The following PFKFB3 variants were observed in gnomAD, a reference collection of about 807,000 sequenced individuals.
PFKFB3 encodes 6-phosphofructo-2-kinase/fructose-2,6-biphosphatase 3.
PFKFB3 carries 33 observed loss-of-function variants against 68.0 expected under a neutral mutation model. The ratio of observed to expected loss-of-function variants is 0.49; its 90% CI spans 0.37 to 0.65. The LOEUF is 0.65. Ranked by LOEUF, PFKFB3 falls within the 30% of genes least tolerant of loss-of-function variation. PFKFB3 has a pLI of 0.00. For missense variants in PFKFB3, 586 were observed against 712.2 expected, an observed-to-expected ratio of 0.82 and a Z score of 2.02; for synonymous variants, 315 against 288.2, an observed-to-expected ratio of 1.09 and a Z score of -0.94.
At chr10:6,174,902 A>C (rs1259258733) in intron 1 of PFKFB3, among the ~76,000 whole-genome samples, 12 of 147,848 alleles carry the variant, frequency 8.1e-5, no homozygotes, top group Non-Finnish European at 1.5e-5. Context: ...TGCAACCTCC[A>C]CCTCCCAGGT....
At chr10:6,147,480 G>A (rs1588372937) in intron 1 of PFKFB3, among the ~76,000 whole-genome samples, 1 of 152,266 alleles carries the variant, frequency 6.6e-6, no homozygotes, top group South Asian at 2.1e-4. Context: ...GGGGCCCAGC[G>A]GGTACCAGGC....
chr10:6,316,042 C>T, the PFKFB3 span, among the ~76,000 whole-genome samples: 1 of 152,172 alleles, frequency 6.6e-6, no homozygotes, highest in Admixed American at 6.5e-5. Flanking sequence ...GGCATAATAG[C>T]ATGGCTTATA....
At chr10:6,209,962 C>T (rs878973172) in intron 1 of PFKFB3, among the ~76,000 whole-genome samples, 5 of 151,616 alleles carry the variant, frequency 3.3e-5, no homozygotes, top group African/African-American at 9.7e-5. Flanking sequence ...GATGGGGTTT[C>T]GCTGTGGTCT....
chr10:6,301,954 T>A, the PFKFB3 span, among the ~76,000 whole-genome samples: 1 of 152,182 alleles, frequency 6.6e-6, no homozygotes, highest in African/African-American at 2.4e-5. Flanking sequence ...GACTGGATGA[T>A]CATTTTGCTT....
intron 1 of PFKFB3, among the ~76,000 whole-genome samples, chr10:6,167,526 T>A (rs1364971530): frequency 6.6e-6 from 1 of 152,222 alleles, no homozygotes; most frequent in Non-Finnish European, 1.5e-5. Context: ...CATTTTAACA[T>A]CTCTTGAGAG....
chr10:6,217,287 G>T (rs1337389310), intron 6 of PFKFB3, 96 bp downstream of exon 6: 6 of 1,077,816 alleles, frequency 5.6e-6, no homozygotes, highest in Non-Finnish European at 7.2e-6. Context: ...GCTCGGAAGC[G>T]CAGCTGAGCC....
intron 1 of PFKFB3, among the ~76,000 whole-genome samples, chr10:6,159,983 T>C (rs543560073): frequency 6.6e-6 from 1 of 151,774 alleles, no homozygotes; most frequent in South Asian, 2.1e-4. Flanking sequence ...GGTCTTGAAC[T>C]CCTAGACTCA....
rs182355107 is a variant in PFKFB3 at position 6,205,872 on chromosome 10, A to T, written c.76+2536A>T. Among the ~76,000 whole-genome samples the T allele has an allele frequency of 3.1e-3, 467 of 151,986 alleles. 2 individuals are homozygous for T. The highest frequency in any genetic ancestry group is 0.012 in the South Asian group (57 of 4,800). On this transcript the variant is annotated intron_variant, in intron 1 of 14. Transcript: ENST00000379775. ...GAGGGCAGTGGTGCGACCATAGCTC[A>T]CTGTAACCACCAACTCTTGGGCTCA...
chr10:6,320,036 C>T, the PFKFB3 span, among the ~76,000 whole-genome samples: 1,277 of 151,806 alleles, frequency 8.4e-3, 20 homozygotes, highest in African/African-American at 0.029. Context: ...CTGTCTCCAC[C>T]GAAAAAATAC....
Position 6,210,907 on chromosome 10 carries a change from G to A in PFKFB3, c.77-2716G>A, listed in dbSNP as rs192445556. Among the ~76,000 whole-genome samples the A allele has an allele frequency of 1.5e-3, 62 of 42,532 alleles. 25 individuals are homozygous for A. Among genetic ancestry groups the A allele is most frequent in the South Asian group, 2.9e-3 (3 of 1,040 alleles). The allele number at this position is 42,532 out of a possible 152,430, so 27.9% of individuals were successfully genotyped here. On this transcript the variant is annotated intron_variant, in intron 1 of 14. Transcript: ENST00000379775. The stretch of plus-strand genomic sequence containing the variant: ...TAGTGTTTTTAATAGACGGGGTTTC[G>A]CCGTGTTAGCCAGGATAGTCTTGAT...
At chr10:6,256,454 A>G (rs559338568), downstream of PFKFB3, among the ~76,000 whole-genome samples, 1 of 152,256 alleles carries the variant, frequency 6.6e-6, no homozygotes, top group South Asian at 2.1e-4. Context: ...GAGGCTCTAC[A>G]TGGTCCCCAG....
At chr10:6,225,511 C>T (rs1430231070) in intron 13 of PFKFB3, among the ~76,000 whole-genome samples, 2 of 152,230 alleles carry the variant, frequency 1.3e-5, no homozygotes. Context: ...TCCTGGAGCT[C>T]TTCCCTGCAG....
At position 6,249,939 on chromosome 10, in the gene PFKFB3, C is replaced by T. The variant is rs1846344583; in HGVS notation, c.1516-4239C>T. Among the ~76,000 whole-genome samples, 4 of 152,060 alleles carry T rather than the reference C, an allele frequency of 2.6e-5. 1 individual carries two copies. The highest frequency in any genetic ancestry group is 2.6e-4 in the Admixed American group (4 of 15,272). On this transcript the variant is annotated intron_variant, in intron 14 of 14. Transcript: ENST00000640683. ...TCATAAATCTAAACAAGACTTTGTA[C>T]CCTAGCCATATATAAATATTATTTG... is the stretch of plus-strand genomic sequence containing the variant.
chr10:6,324,807 C>T, the PFKFB3 span, among the ~76,000 whole-genome samples: 1 of 151,196 alleles, frequency 6.6e-6, no homozygotes, highest in Non-Finnish European at 1.5e-5. Flanking sequence ...ATATATTTTA[C>T]CACAATTTAA....
the PFKFB3 span, among the ~76,000 whole-genome samples, chr10:6,263,045 A>G: frequency 6.6e-6 from 1 of 152,162 alleles, no homozygotes; most frequent in Non-Finnish European, 1.5e-5. Flanking sequence ...AGAAATATAG[A>G]GGTGTGAAGT....
At position 6,215,371 on chromosome 10, in the gene PFKFB3, G is replaced by A. The variant is rs957116877; in HGVS notation, c.299+54G>A. 2.4e-5 allele frequency: 34 copies of A among 1,392,180 alleles called. No homozygotes were observed. Among genetic ancestry groups the A allele is most frequent in the Middle Eastern group, 1.8e-4 (1 of 5,606 alleles). The allele number at this position is 1,392,180 out of a possible 1,614,324, so 86.2% of individuals were successfully genotyped here. A position where few individuals can be genotyped will look rare whatever the true frequency, so the allele number is the denominator to read the frequency against. On this transcript the variant is annotated intron_variant, in intron 3 of 14. Coordinates refer to ENST00000379775, the MANE Select transcript of PFKFB3 (RefSeq NM_004566.4). This position sits in a 1 kb window ranked among gnomAD's most constrained non-coding sequence, Gnocchi z 4.3. ...GGCTGTGGGAATAAGGCTGGGCCGC[G>A]GGCATAAGGCTGGGCTGCAGGAGTA... is the stretch of plus-strand genomic sequence containing the variant.
Position 6,244,791 on chromosome 10 carries a change from G to A in PFKFB3, c.1516-9387G>A, listed in dbSNP as rs185173518. 1.2e-4 allele frequency among the ~76,000 whole-genome samples: 18 copies of A among 152,246 alleles called. No homozygotes were observed. In the East Asian group the frequency reaches 2.9e-3, roughly 24 times the overall value. On this transcript the variant is annotated intron_variant, in intron 14 of 14. Transcript: ENST00000640683. ...GTGTTATGTAAAAGTGAGAAAGGCTGGGTTAAATCAGGTTCATTCGTTCAT... is the reference window on the plus strand; with the variant it reads ...GTGTTATGTAAAAGTGAGAAAGGCTAGGTTAAATCAGGTTCATTCGTTCAT...
the PFKFB3 span, among the ~76,000 whole-genome samples, chr10:6,282,001 C>T: frequency 6.8e-6 from 1 of 147,436 alleles, no homozygotes; most frequent in African/African-American, 2.5e-5. Flanking sequence ...CTATGTTGCT[C>T]AGGCTGGAAT....
the PFKFB3 span, among the ~76,000 whole-genome samples, chr10:6,263,259 C>T: frequency 1.3e-5 from 2 of 152,244 alleles, no homozygotes; most frequent in Non-Finnish European, 2.9e-5. Context: ...AGGAGCATGT[C>T]CTTAAGGCAC....
Sources: gnomAD v4.1 joint callset for allele counts (sites outside exome capture counted in the v4.1 genomes callset) on GRCh38, gnomAD v4.1.1 for gene constraint, Gnocchi (gnomAD v3.1) non-coding constraint, MANE v1.5 for transcripts, NCBI Gene and HGNC (gene_info 2026-07-23, HGNC 2026-07-21) for gene names.